Variants in LRP1B observed in about 807,000 individuals in gnomAD.
LRP1B encodes the protein LDL receptor related protein 1B, also known as low-density lipoprotein receptor-related protein 1B.
LRP1B carries 217 observed loss-of-function variants against 556.6 expected under a neutral mutation model. The ratio of observed to expected loss-of-function variants is 0.39; its 90% confidence interval spans 0.35 to 0.44. The LOEUF is 0.44. LRP1B is among the 20% of genes least tolerant of loss of function. LRP1B has a pLI of 1.00. For missense variants in LRP1B, 5,053 were observed against 5,620.8 expected, an observed-to-expected ratio of 0.90 and a Z score of 3.23; for synonymous variants, 2,047 against 1,865.8, an observed-to-expected ratio of 1.10 and a Z score of -2.50.
At position 140,358,859 on chromosome 2, in the gene LRP1B, T is replaced by G; in HGVS notation, c.11219A>C (p.Asp3740Ala). ...TTCATCTGAATTGTCACCGCATTCA[T>G]CAATCCCATTGCACATTTGCTCCGA... ...LQSEQMCNGI[D>A]ECGDNSDEDH... The change falls in exon 73 of 91, where the codon GAT becomes GCT. Residue 3740 changes from aspartate to alanine, a missense_variant. Around this residue, in one of 5 missense-constraint regions of LRP1B, gnomAD observed 599 missense variants for 648.4 expected, o/e 0.92. Coordinates refer to ENST00000389484, the MANE Select transcript of LRP1B (RefSeq NM_018557.3). The G allele has an allele frequency of 6.2e-7, 1 of 1,609,256 alleles. No homozygotes were observed. Among genetic ancestry groups the G allele is most frequent in the Non-Finnish European group, 8.5e-7 (1 of 1,176,384 alleles).
intron 1 of LRP1B, among the ~76,000 whole-genome samples, chr2:142,014,211 G>A (rs1405387085): frequency 1.4e-5 from 2 of 139,334 alleles, no homozygotes; most frequent in Non-Finnish European, 2.9e-5. Context: ...TTGCACTGTG[G>A]ACTCGCCCTG....
At chr2:140,843,211 C>A (rs1692175698) in intron 29 of LRP1B, among the ~76,000 whole-genome samples, 1 of 151,312 alleles carries the variant, frequency 6.6e-6, no homozygotes, top group African/African-American at 2.4e-5. Context: ...ATATATTCCA[C>A]TCCTAAATTG....
At chr2:141,976,344 T>A (rs1462953214) in intron 1 of LRP1B, among the ~76,000 whole-genome samples, 6 of 152,184 alleles carry the variant, frequency 3.9e-5, no homozygotes, top group Non-Finnish European at 5.9e-5. Flanking sequence ...ATTACATAAA[T>A]TTCTTTATTG....
At position 141,391,112 on chromosome 2, in the gene LRP1B, A is replaced by G. The variant is rs568215884; in HGVS notation, c.343+89284T>C. ...AATAAATCTTTAGGCTTTTGCAGAA[A>G]TGAATGTTTAAGATGGTATTATTTT... On this transcript the variant is annotated intron_variant, in intron 3 of 90. Transcript: ENST00000389484. 5.3e-5 allele frequency among the ~76,000 whole-genome samples: 8 copies of G among 152,312 alleles called. No individual in the cohort carries two copies. The East Asian group carries it at 1.5e-3, about 29-fold the overall frequency.
chr2:141,529,731 A>T (rs1365241982), intron 2 of LRP1B, among the ~76,000 whole-genome samples: 1 of 151,928 alleles, frequency 6.6e-6, no homozygotes. Flanking sequence ...ATTCAGCAAC[A>T]CATACTGTTT....
rs1683744949 is a variant in LRP1B, at chr2:140,386,019, A to G, written c.10415-10T>C. Reference sequence around the variant, plus strand: ...CCACAAGTCTTTTTATCTGTAATGGAAAGAACCAGAGTTTGCATTGTAGAT... The same window carrying G: ...CCACAAGTCTTTTTATCTGTAATGGGAAGAACCAGAGTTTGCATTGTAGAT... On this transcript the variant is annotated splice_polypyrimidine_tract_variant and intron_variant, in intron 66 of 90. Coordinates refer to ENST00000389484, the MANE Select transcript of LRP1B (RefSeq NM_018557.3). 3 of 1,535,514 alleles carry G rather than the reference A, an allele frequency of 2.0e-6. No homozygotes were observed. Among genetic ancestry groups the G allele is most frequent in the Non-Finnish European group, 2.7e-6 (3 of 1,109,904 alleles).
At position 141,977,869 on chromosome 2, in the gene LRP1B, T is replaced by C. The variant is rs78262398; in HGVS notation, c.82+152779A>G. Among the ~76,000 whole-genome samples, 149 of 152,304 alleles carry C rather than the reference T, an allele frequency of 9.8e-4. 3 individuals are homozygous for C. In the East Asian group the frequency reaches 0.027, roughly 27 times the overall value. Reference sequence around the variant, plus strand: ...CATTGTTTCTATTCTCTGTGGTTCATACAAGCCTAACTTAAAATATCCATT... The same window carrying C: ...CATTGTTTCTATTCTCTGTGGTTCACACAAGCCTAACTTAAAATATCCATT... On this transcript the variant is annotated intron_variant, in intron 1 of 90. Coordinates refer to ENST00000389484, the MANE Select transcript of LRP1B (RefSeq NM_018557.3).
In LRP1B at chr2:140,425,915, C is replaced by T. The variant is rs567746548; in HGVS notation, c.10414+16589G>A. ...AAGCTTTCAACACTATTATTTGGAA[C>T]ATTCAACTTCTTTGGATTCCTGGAG... On this transcript the variant is annotated intron_variant, in intron 66 of 90. Transcript: ENST00000389484. 5.3e-5 allele frequency among the ~76,000 whole-genome samples: 8 copies of T among 152,270 alleles called. 3 individuals carry two copies. Among genetic ancestry groups the T allele is most frequent in the African/African-American group, 1.9e-4 (8 of 41,540 alleles).
At chr2:140,626,118 A>G (rs1182070038) in intron 41 of LRP1B, among the ~76,000 whole-genome samples, 1 of 152,220 alleles carries the variant, frequency 6.6e-6, no homozygotes, top group Non-Finnish European at 1.5e-5. Flanking sequence ...TAAAGAAGCC[A>G]ATCTGTAAAG....
At chr2:140,457,829 A>G in intron 60 of LRP1B, among the ~76,000 whole-genome samples, 178 bp from the exon 61 acceptor site, 1 of 152,160 alleles carries the variant, frequency 6.6e-6, no homozygotes, top group East Asian at 1.9e-4. Context: ...AGGATTGGGC[A>G]CAGGAGCTAG....
At chr2:141,259,943 T>A (rs988245907) in intron 3 of LRP1B, among the ~76,000 whole-genome samples, 6 of 152,220 alleles carry the variant, frequency 3.9e-5, no homozygotes, top group Non-Finnish European at 5.9e-5. Context: ...CCATTTAGTA[T>A]AACAGAATTT....
chr2:140,519,460 T>C (rs1690062672), intron 49 of LRP1B, among the ~76,000 whole-genome samples: 1 of 152,192 alleles, frequency 6.6e-6, no homozygotes, highest in South Asian at 2.1e-4. Context: ...AAAAATTAAT[T>C]CAAGATGGAT....
chr2:140,788,912 G>A (rs1245548984), intron 32 of LRP1B, among the ~76,000 whole-genome samples: 1 of 152,158 alleles, frequency 6.6e-6, no homozygotes. Context: ...CCATAGTGAT[G>A]TACACACAGA....
chr2:140,933,039 G>T (rs1045386772), intron 20 of LRP1B, among the ~76,000 whole-genome samples: 1 of 144,268 alleles, frequency 6.9e-6, no homozygotes, highest in African/African-American at 2.5e-5. Context: ...AATTTATATG[G>T]ATGCTTTTAG....
chr2:140,666,026 C>G (rs988772410), intron 41 of LRP1B, among the ~76,000 whole-genome samples: 1 of 149,136 alleles, frequency 6.7e-6, no homozygotes, highest in African/African-American at 2.5e-5. Context: ...CGGAGTCTCA[C>G]TCTGTTGCCC....
chr2:141,013,754 T>C lies in LRP1B; in HGVS notation c.2191-9A>G. ...CTCCCACTGTAAACAATCTGTAAAA[T>C]ATAAACACATTGTGAAAAATCAGAA... is the stretch of plus-strand genomic sequence containing the variant. On this transcript the variant is annotated splice_polypyrimidine_tract_variant and intron_variant, in intron 13 of 90. Transcript: ENST00000389484. The C allele has an allele frequency of 2.0e-6, 3 of 1,498,956 alleles. No homozygotes were observed. Among genetic ancestry groups the C allele is most frequent in the Non-Finnish European group, 2.7e-6 (3 of 1,121,716 alleles). The allele number at this position is 1,498,956 out of a possible 1,614,324, so 92.9% of individuals were successfully genotyped here.
At chr2:141,032,879 TA>T (rs1393908520) in intron 11 of LRP1B, among the ~76,000 whole-genome samples, 1 of 129,658 alleles carries the variant, frequency 7.7e-6, no homozygotes, top group Non-Finnish European at 1.7e-5. Flanking sequence ...TTGCATTGCT[TA>T]GAAAATGTTT....
At chr2:140,661,517 A>T (rs1006085711) in intron 41 of LRP1B, among the ~76,000 whole-genome samples, 3 of 151,770 alleles carry the variant, frequency 2.0e-5, no homozygotes, top group African/African-American at 4.8e-5. Flanking sequence ...AAAAAAAAAA[A>T]AAAACGCAGT....
intron 2 of LRP1B, among the ~76,000 whole-genome samples, chr2:141,691,445 A>G (rs1691525108): frequency 1.5e-5 from 1 of 68,600 alleles, no homozygotes; most frequent in Non-Finnish European, 2.8e-5. Flanking sequence ...AAAAAAAAAA[A>G]GTTGGCCAGG....
Sources: allele counts gnomAD v4.1 joint callset (sites outside exome capture counted in the v4.1 genomes callset), GRCh38; gene constraint gnomAD v4.1.1; regional missense constraint gnomAD v4.1.1; transcripts MANE v1.5; gene names NCBI Gene and HGNC (gene_info 2026-07-23, HGNC 2026-07-21).